The following TSPAN15 variants were observed in gnomAD, a reference collection of about 807,000 sequenced individuals.
TSPAN15 encodes tetraspanin-15.
In TSPAN15, 20 loss-of-function variants were observed where a neutral mutation model predicts 34.5. The observed-to-expected ratio is 0.58, with a 90% CI of 0.41 to 0.84. TSPAN15 has a LOEUF of 0.84. TSPAN15 is among the 40% of genes least tolerant of loss of function. The pLI is 0.00. For missense variants in TSPAN15, 313 were observed against 386.1 expected (o/e 0.81, Z 1.59); for synonymous variants, 155 against 153.9 (o/e 1.01, Z -0.05).
chr10:69,485,729 G>A (rs1841838332), intron 3 of TSPAN15, among the ~76,000 whole-genome samples: 1 of 152,108 alleles, frequency 6.6e-6, no homozygotes. Context: ...TTGGGGAATG[G>A]ACAGTGAAGA....
chr10:69,482,835 C>T (rs2133110350), intron 1 of TSPAN15, among the ~76,000 whole-genome samples: 1 of 152,250 alleles, frequency 6.6e-6, no homozygotes, highest in East Asian at 1.9e-4. Context: ...GTGGCATCTC[C>T]AGATTGGGTC....
the TSPAN15 span, among the ~76,000 whole-genome samples, chr10:69,537,625 G>A: frequency 1.3e-5 from 2 of 152,124 alleles, no homozygotes; most frequent in Non-Finnish European, 2.9e-5. Context: ...TTGGATTAGA[G>A]GCCTATCCTG....
intron 1 of TSPAN15, among the ~76,000 whole-genome samples, chr10:69,455,940 G>T (rs1841098600): frequency 6.6e-6 from 1 of 151,964 alleles, no homozygotes; most frequent in African/African-American, 2.4e-5. Context: ...TTACCTTTGT[G>T]GGTGATCACC....
At chr10:69,467,125 A>G (rs1841401179) in intron 1 of TSPAN15, among the ~76,000 whole-genome samples, 1 of 152,144 alleles carries the variant, frequency 6.6e-6, no homozygotes, top group Admixed American at 6.5e-5. Context: ...AGAGGAGAAA[A>G]GGATTTAAGG....
At chr10:69,548,246 A>C in the TSPAN15 span, among the ~76,000 whole-genome samples, 1 of 152,218 alleles carries the variant, frequency 6.6e-6, no homozygotes, top group African/African-American at 2.4e-5. Context: ...TTTCCATTGC[A>C]TTATGGTGTT....
In TSPAN15 at chr10:69,506,854, T is replaced by C; in HGVS notation, c.761T>C (p.Leu254Pro). The C allele has an allele frequency of 6.3e-7, 1 of 1,594,840 alleles. No homozygotes were observed. ...TTCCTGGGGGTGCTGCTGACGCTGC[T>C]GTACATCACCCGGGTGGAGGACATC... ...PQFLGVLLTLLYITRVEDIIM... is the reference protein window; with the variant it reads ...PQFLGVLLTLPYITRVEDIIM... Residue 254 changes from leucine to proline, a missense_variant, in exon 8 of 8, where the codon CTG becomes CCG. Transcript: ENST00000373290. This position sits in a 1 kb window ranked among gnomAD's most constrained non-coding sequence, Gnocchi z 4.7.
At chr10:69,473,437 C>G (rs987919949) in intron 1 of TSPAN15, among the ~76,000 whole-genome samples, 1 of 152,166 alleles carries the variant, frequency 6.6e-6, no homozygotes, top group African/African-American at 2.4e-5. Flanking sequence ...GGGTTTTACC[C>G]TTGCGGAAAT....
the TSPAN15 span, among the ~76,000 whole-genome samples, chr10:69,515,661 T>G: frequency 6.6e-6 from 1 of 152,188 alleles, no homozygotes; most frequent in South Asian, 2.1e-4. Context: ...CCTGGAAATA[T>G]TATGGGGCCA....
the TSPAN15 span, among the ~76,000 whole-genome samples, chr10:69,545,499 G>A: frequency 6.6e-6 from 1 of 152,242 alleles, no homozygotes; most frequent in South Asian, 2.1e-4. Flanking sequence ...AGGTGAGGAT[G>A]ATCTGCACAG....
At chr10:69,510,314 C>G (rs1257854164), downstream of TSPAN15, among the ~76,000 whole-genome samples, 1 of 152,084 alleles carries the variant, frequency 6.6e-6, no homozygotes, top group Non-Finnish European at 1.5e-5. Flanking sequence ...AAGTTGTATT[C>G]CTAGGTATTT....
At chr10:69,548,473 A>C in the TSPAN15 span, among the ~76,000 whole-genome samples, 4 of 152,264 alleles carry the variant, frequency 2.6e-5, no homozygotes, top group Non-Finnish European at 4.4e-5. Context: ...ATATGAAATA[A>C]CAGTTTTCAG....
Position 69,474,949 on chromosome 10 carries a change from G to A in TSPAN15, c.97-8742G>A, listed in dbSNP as rs112800678. ...GCTACTGAGTCAGCGGGGTCTGGGG[G>A]GGCCTGGCCGGAGGTCCACCCAGGG... On this transcript the variant is annotated intron_variant, in intron 1 of 7. Coordinates refer to ENST00000373290, the MANE Select transcript of TSPAN15 (RefSeq NM_012339.5). Among the ~76,000 whole-genome samples the A allele has an allele frequency of 9.9e-3, 1,502 of 152,252 alleles. 34 individuals are homozygous for A. The highest frequency in any genetic ancestry group is 0.034 in the African/African-American group (1,416 of 41,542).
chr10:69,483,998 C>G, intron 2 of TSPAN15, 122 bp downstream of exon 2: 9 of 1,068,598 alleles, frequency 8.4e-6, no homozygotes, highest in Non-Finnish European at 1.2e-5. Flanking sequence ...TTAGAGAGCT[C>G]CTTAGATCAG....
At chr10:69,508,677 A>G (rs1842384307), downstream of TSPAN15, among the ~76,000 whole-genome samples, 1 of 152,148 alleles carries the variant, frequency 6.6e-6, no homozygotes, top group African/African-American at 2.4e-5. Flanking sequence ...GCCAGGAACG[A>G]TATTAACTCC....
intron 1 of TSPAN15, among the ~76,000 whole-genome samples, chr10:69,451,976 C>T (rs1334059850): frequency 6.6e-6 from 1 of 152,274 alleles, no homozygotes; most frequent in Non-Finnish European, 1.5e-5. Context: ...CGCTGGCCGG[C>T]TGGCTAGGCT....
chr10:69,467,885 C>G (rs7098529), intron 1 of TSPAN15, among the ~76,000 whole-genome samples: 67,249 of 151,644 alleles, frequency 0.44, 15,275 homozygotes, highest in African/African-American at 0.48. Context: ...GTTTCTTTTT[C>G]ATAAAAAATG....
At chr10:69,502,533 T>C (rs1842232307) in intron 5 of TSPAN15, among the ~76,000 whole-genome samples, 1 of 152,194 alleles carries the variant, frequency 6.6e-6, no homozygotes. Flanking sequence ...CTTCCTGTCC[T>C]GTGGCCCCGT....
the TSPAN15 span, among the ~76,000 whole-genome samples, chr10:69,534,662 G>A: frequency 1.3e-5 from 2 of 152,020 alleles, no homozygotes; most frequent in African/African-American, 4.8e-5. Flanking sequence ...AGATACAGAT[G>A]TAATATAGTA....
At chr10:69,533,335 A>G in the TSPAN15 span, among the ~76,000 whole-genome samples, 1 of 152,234 alleles carries the variant, frequency 6.6e-6, no homozygotes, top group East Asian at 1.9e-4. Context: ...ATACTAAGCC[A>G]TAAAAAGGAA....
Sources: allele counts gnomAD v4.1 joint callset (sites outside exome capture counted in the v4.1 genomes callset), GRCh38; gene constraint gnomAD v4.1.1; non-coding constraint Gnocchi (gnomAD v3.1); transcripts MANE v1.5; gene names NCBI Gene and HGNC (gene_info 2026-07-23, HGNC 2026-07-21).